GALNT13: variants seen among roughly 807,000 people sequenced by gnomAD.
The protein encoded by GALNT13 is polypeptide N-acetylgalactosaminyltransferase 13, also known as UDP-GalNAc:polypeptide N-acetylgalactosaminyltransferase 13.
GALNT13 carries 28 observed loss-of-function variants against 64.2 expected under a neutral mutation model. The ratio of observed to expected loss-of-function variants is 0.44; its 90% CI spans 0.32 to 0.60. The LOEUF is 0.60. Ranked by LOEUF, GALNT13 falls within the 20% of genes least tolerant of loss-of-function variation. The pLI is 0.05. For synonymous variants in GALNT13, 214 were observed against 224.6 expected (o/e 0.95, Z 0.42); for missense variants, 577 against 669.8 (o/e 0.86, Z 1.53).
intron 4 of GALNT13, among the ~76,000 whole-genome samples, chr2:154,187,389 C>CAG (rs901310164): frequency 1.3e-5 from 2 of 150,912 alleles, no homozygotes; most frequent in Admixed American, 1.3e-4. Context: ...CACACACACA[C>CAG]ACACACACAC....
the GALNT13 span, among the ~76,000 whole-genome samples, chr2:153,551,264 G>A: frequency 6.6e-6 from 1 of 152,162 alleles, no homozygotes; most frequent in Non-Finnish European, 1.5e-5. Context: ...ACACTCCTAC[G>A]TTTGGGCAGC....
chr2:153,345,716 T>TCCTTC, the GALNT13 span, among the ~76,000 whole-genome samples: 246 of 79,334 alleles, frequency 3.1e-3, 10 homozygotes, highest in Admixed American at 5.7e-3. Context: ...TTTCTCTCTT[T>TCCTTC]CTGTCCTTCC....
chr2:154,440,017 G>C (rs1054564217), intron 12 of GALNT13, among the ~76,000 whole-genome samples: 19 of 152,254 alleles, frequency 1.2e-4, no homozygotes, highest in African/African-American at 4.6e-4. Context: ...CAGTGCCTTT[G>C]CAAAATACAT....
At chr2:153,374,523 T>C in the GALNT13 span, among the ~76,000 whole-genome samples, 1 of 152,188 alleles carries the variant, frequency 6.6e-6, no homozygotes, top group Non-Finnish European at 1.5e-5. Flanking sequence ...TCTGATGTTT[T>C]ACACTGACTT....
the GALNT13 span, among the ~76,000 whole-genome samples, chr2:153,732,455 G>A: frequency 3.9e-5 from 6 of 151,968 alleles, no homozygotes; most frequent in African/African-American, 9.7e-5. Context: ...CTCATATGTG[G>A]TTAATGAGGC....
chr2:153,594,222 C>T, the GALNT13 span, among the ~76,000 whole-genome samples: 3 of 152,046 alleles, frequency 2.0e-5, no homozygotes, highest in East Asian at 5.8e-4. Flanking sequence ...GATATTAATT[C>T]CCATTATAAG....
rs1692317166 is a variant in GALNT13, at chr2:154,287,172, T to A, written c.976-14237T>A. The A allele has an allele frequency of 4.1e-6, 6 of 1,479,264 alleles. 1 individual carries two copies. The highest frequency in any genetic ancestry group is 3.4e-5 in the South Asian group (3 of 88,684). The allele number at this position is 1,479,264 out of a possible 1,614,324, so 91.6% of individuals were successfully genotyped here. A position where few individuals can be genotyped will look rare whatever the true frequency, so the allele number is the denominator to read the frequency against. On this transcript the variant is annotated intron_variant, in intron 8 of 12. Transcript: ENST00000392825. ...ACAGAAGCGGTGGAAGCCAAACAAT[T>A]GGCTCAGCAGGAAGCAGAGAGGGCC...
At chr2:154,421,812 A>T (rs1408923552) in intron 11 of GALNT13, among the ~76,000 whole-genome samples, 1 of 151,994 alleles carries the variant, frequency 6.6e-6, no homozygotes, top group Non-Finnish European at 1.5e-5. Flanking sequence ...TTTGTTATAG[A>T]TAGATATCGC....
intron 3 of GALNT13, among the ~76,000 whole-genome samples, chr2:153,969,981 T>A (rs1176488870): frequency 2.0e-5 from 3 of 152,198 alleles, no homozygotes; most frequent in African/African-American, 4.8e-5. Context: ...AAGGTTTATG[T>A]GCATTATTAT....
At chr2:153,406,659 C>T in the GALNT13 span, among the ~76,000 whole-genome samples, 1 of 152,174 alleles carries the variant, frequency 6.6e-6, no homozygotes, top group Admixed American at 6.5e-5. Flanking sequence ...CTGCCTGCCT[C>T]AGCCTCCCAA....
At chr2:153,731,634 T>C in the GALNT13 span, among the ~76,000 whole-genome samples, 1 of 152,030 alleles carries the variant, frequency 6.6e-6, no homozygotes, top group Non-Finnish European at 1.5e-5. Context: ...ATTCAAACTT[T>C]ACTTGTAGGA....
the GALNT13 span, among the ~76,000 whole-genome samples, chr2:153,684,308 T>G: frequency 1.9e-4 from 29 of 151,868 alleles, no homozygotes; most frequent in South Asian, 2.9e-3. Flanking sequence ...GTTTTCTGGG[T>G]TACTGTGTCT....
At chr2:154,165,346 A>T (rs1409809918) in intron 4 of GALNT13, among the ~76,000 whole-genome samples, 1 of 152,102 alleles carries the variant, frequency 6.6e-6, no homozygotes, top group African/African-American at 2.4e-5. Flanking sequence ...CTTTCTGTTT[A>T]AAGTTTCTTT....
chr2:154,060,417 G>A (rs12693907), intron 3 of GALNT13, among the ~76,000 whole-genome samples: 74,950 of 151,886 alleles, frequency 0.49, 20,027 homozygotes, highest in Non-Finnish European at 0.61. Context: ...GTGCAGTGGC[G>A]TGATCTCATC....
the GALNT13 span, among the ~76,000 whole-genome samples, chr2:153,406,499 C>G: frequency 6.6e-6 from 1 of 152,054 alleles, no homozygotes; most frequent in Non-Finnish European, 1.5e-5. Context: ...CCTTGGCCTC[C>G]TGGGTTCAAG....
the GALNT13 span, among the ~76,000 whole-genome samples, chr2:153,688,755 A>G: frequency 6.6e-6 from 1 of 151,988 alleles, no homozygotes; most frequent in African/African-American, 2.4e-5. Flanking sequence ...ACATGCATTC[A>G]TGTTGTTACA....
the GALNT13 span, among the ~76,000 whole-genome samples, chr2:153,152,209 T>C: frequency 6.6e-6 from 1 of 151,948 alleles, no homozygotes; most frequent in African/African-American, 2.4e-5. Flanking sequence ...AATTGGACCA[T>C]TATCCTCTTG....
chr2:153,608,287 T>A, the GALNT13 span, among the ~76,000 whole-genome samples: 1 of 152,160 alleles, frequency 6.6e-6, no homozygotes, highest in African/African-American at 2.4e-5. Context: ...GAGGGCTTAA[T>A]ATAAATCGTG....
the GALNT13 span, among the ~76,000 whole-genome samples, chr2:153,320,442 A>G: frequency 6.6e-6 from 1 of 152,180 alleles, no homozygotes; most frequent in Non-Finnish European, 1.5e-5. Flanking sequence ...TAGAGATATA[A>G]AAGTGAACAT....
Sources: gnomAD v4.1 joint callset for allele counts (sites outside exome capture counted in the v4.1 genomes callset) on GRCh38, gnomAD v4.1.1 for gene constraint, MANE v1.5 for transcripts, NCBI Gene and HGNC (gene_info 2026-07-23, HGNC 2026-07-21) for gene names.